FAM13C: variants seen among roughly 807,000 people sequenced by gnomAD.
FAM13C encodes protein FAM13C.
Under a neutral mutation model 73.2 loss-of-function variants are expected in FAM13C, and 37 were observed. The observed-to-expected ratio is 0.51, with a 90% CI of 0.39 to 0.67. The LOEUF is 0.67. Ranked by LOEUF, FAM13C falls within the 30% of genes least tolerant of loss-of-function variation. The probability of loss-of-function intolerance (pLI) is 0.00; values close to 1 mark genes in which losing one functional copy is unlikely to be tolerated. For missense variants in FAM13C, 589 were observed against 715.6 expected (o/e 0.82, Z 2.02); for synonymous variants, 246 against 260.9 (o/e 0.94, Z 0.55).
chr10:59,356,924 G>T (rs1271133049), intron 1 of FAM13C, among the ~76,000 whole-genome samples: 2 of 152,288 alleles, frequency 1.3e-5, no homozygotes, highest in East Asian at 1.9e-4. Context: ...GAGCCATCTG[G>T]CCTTCATCTT....
At chr10:59,320,515 C>T (rs550428032) in intron 4 of FAM13C, among the ~76,000 whole-genome samples, 2 of 152,248 alleles carry the variant, frequency 1.3e-5, no homozygotes, top group South Asian at 4.1e-4. Context: ...GACAAGGGTT[C>T]TGTTAAAAGA....
At chr10:59,255,245 A>G (rs1410922880) in intron 10 of FAM13C, among the ~76,000 whole-genome samples, 2 of 152,092 alleles carry the variant, frequency 1.3e-5, no homozygotes, top group East Asian at 3.9e-4. Context: ...TGAATCCTCA[A>G]TTTCCTACCT....
chr10:59,320,060 A>T (rs1018995114), intron 4 of FAM13C, among the ~76,000 whole-genome samples: 2 of 152,182 alleles, frequency 1.3e-5, no homozygotes, highest in African/African-American at 4.8e-5. Flanking sequence ...TTATAAATCA[A>T]ATGCCTATAG....
intron 3 of FAM13C, among the ~76,000 whole-genome samples, chr10:59,350,284 A>T (rs1854858695): frequency 6.6e-6 from 1 of 152,234 alleles, no homozygotes; most frequent in Admixed American, 6.5e-5. Context: ...CAGGCTGGGA[A>T]TTACATGCCC....
intron 3 of FAM13C, among the ~76,000 whole-genome samples, chr10:59,347,566 C>T (rs533656452): frequency 3.6e-4 from 55 of 151,940 alleles, no homozygotes; most frequent in Non-Finnish European, 6.3e-4. Flanking sequence ...CTGGGGTACA[C>T]GTGCAGAATG....
chr10:59,336,683 A>G (rs1171152520), intron 3 of FAM13C, among the ~76,000 whole-genome samples: 2 of 152,366 alleles, frequency 1.3e-5, no homozygotes, highest in South Asian at 4.2e-4. Flanking sequence ...CTCCAAGTGC[A>G]AGAACAGAGT....
intron 10 of FAM13C, among the ~76,000 whole-genome samples, 179 bp from the exon 11 acceptor site, chr10:59,254,622 G>T (rs1459173220): frequency 1.4e-5 from 2 of 139,700 alleles, no homozygotes; most frequent in South Asian, 4.7e-4. Flanking sequence ...TATTTATTTA[G>T]AGACAGAGTC....
intron 1 of FAM13C, among the ~76,000 whole-genome samples, chr10:59,357,790 A>G (rs183467677): frequency 1.1e-4 from 17 of 152,344 alleles, no homozygotes; most frequent in Non-Finnish European, 4.4e-5. Flanking sequence ...AAAGGACACA[A>G]AATTTGAAAA....
intron 5 of FAM13C, among the ~76,000 whole-genome samples, chr10:59,284,028 G>GGTTTGTGTGTGT: frequency 7.6e-6 from 1 of 131,432 alleles, no homozygotes; most frequent in African/African-American, 3.4e-5. Context: ...GGTATGCTGG[G>GGTTTGTGTGTGT]GTATGTGTGT....
At chr10:59,297,579 A>G (rs902579424) in intron 5 of FAM13C, among the ~76,000 whole-genome samples, 4 of 152,000 alleles carry the variant, frequency 2.6e-5, no homozygotes, top group African/African-American at 4.8e-5. Context: ...AGTTACTTCA[A>G]GGTCCAGGCT....
At chr10:59,350,389 G>A (rs1589716230) in intron 3 of FAM13C, among the ~76,000 whole-genome samples, 1 of 152,146 alleles carries the variant, frequency 6.6e-6, no homozygotes, top group South Asian at 2.1e-4. Flanking sequence ...GAGATGGCTG[G>A]TCACCCTGAA....
At chr10:59,287,565 G>C (rs1015334782) in intron 5 of FAM13C, among the ~76,000 whole-genome samples, 7 of 151,976 alleles carry the variant, frequency 4.6e-5, no homozygotes, top group Admixed American at 3.3e-4. Flanking sequence ...ATAGCTTTCA[G>C]GTTCCCACAG....
At chr10:59,349,392 C>T (rs1272649411) in intron 3 of FAM13C, among the ~76,000 whole-genome samples, 10 of 152,158 alleles carry the variant, frequency 6.6e-5, no homozygotes, top group African/African-American at 1.9e-4. Flanking sequence ...TGGGCTGAGT[C>T]AGGATTTGTA....
intron 5 of FAM13C, chr10:59,301,238 A>T (rs979290814): frequency 2.6e-5 from 4 of 152,178 alleles, no homozygotes; most frequent in Non-Finnish European, 5.9e-5. Flanking sequence ...CAATCTATAT[A>T]GTTCACCCCC....
chr10:59,318,806 G>C (rs1416216365), intron 4 of FAM13C, among the ~76,000 whole-genome samples: 2 of 151,946 alleles, frequency 1.3e-5, no homozygotes, highest in African/African-American at 4.8e-5. Flanking sequence ...AAGGCAAGCT[G>C]TTTTTTATCT....
chr10:59,282,244 G>T (rs1198275789), intron 6 of FAM13C: 1 of 152,148 alleles, frequency 6.6e-6, no homozygotes, highest in Non-Finnish European at 1.5e-5. Context: ...CACAAAAAGT[G>T]CTTAGAACAG....
intron 3 of FAM13C, among the ~76,000 whole-genome samples, chr10:59,349,568 C>A (rs1004219866): frequency 2.0e-5 from 3 of 151,874 alleles, no homozygotes; most frequent in African/African-American, 7.3e-5. Flanking sequence ...ACCAGCCTGG[C>A]CAACATGGTG....
At chr10:59,272,234 T>C (rs1215685940) in intron 6 of FAM13C, among the ~76,000 whole-genome samples, 2 of 152,190 alleles carry the variant, frequency 1.3e-5, no homozygotes, top group Non-Finnish European at 2.9e-5. Flanking sequence ...CAATTCACTA[T>C]TGAAGGAAGC....
chr10:59,362,887 T>C (rs1364029838), upstream of FAM13C: 2 of 204,268 alleles, frequency 9.8e-6, no homozygotes. Flanking sequence ...TTCTTCCACA[T>C]GTCTCCTACC....
Sources: gnomAD v4.1 joint callset for allele counts (sites outside exome capture counted in the v4.1 genomes callset) on GRCh38, gnomAD v4.1.1 for gene constraint, MANE v1.5 for transcripts, NCBI Gene and HGNC (gene_info 2026-07-23, HGNC 2026-07-21) for gene names.